LNX1: variants seen among roughly 807,000 people sequenced by gnomAD.
LNX1 encodes ligand of numb-protein X 1.
Under a neutral mutation model 68.4 loss-of-function variants are expected in LNX1, and 54 were observed. The observed-to-expected ratio is 0.79, with a 90% CI of 0.63 to 0.99. The LOEUF (loss-of-function observed/expected upper bound fraction) is 0.99. LNX1 is among the 50% of genes least tolerant of loss of function. The probability of loss-of-function intolerance (pLI) is 0.00; values close to 1 mark genes in which losing one functional copy is unlikely to be tolerated. For missense variants in LNX1, 906 were observed against 926.4 expected (o/e 0.98, Z 0.29); for synonymous variants, 336 against 350.0 (o/e 0.96, Z 0.45).
upstream of LNX1, among the ~76,000 whole-genome samples, chr4:53,618,220 G>C (rs1733748604): frequency 6.6e-6 from 1 of 152,068 alleles, no homozygotes; most frequent in African/African-American, 2.4e-5. Context: ...TTTATGATCA[G>C]CTTTCACTGA....
At position 53,462,957 on chromosome 4, in the gene LNX1, C is replaced by G. The variant is rs80134958; in HGVS notation, c.1893-1364G>C. On this transcript the variant is annotated intron_variant, in intron 9 of 10. Transcript: ENST00000263925. ...GACTCCTCATGTACAAAGCAGGTAA[C>G]TGGCTATTCTGTAAATACCAAAGCA... 2.6e-5 allele frequency among the ~76,000 whole-genome samples: 4 copies of G among 152,286 alleles called. No individual in the cohort carries two copies. In the East Asian group the frequency reaches 7.7e-4, roughly 29 times the overall value.
Position 53,543,800 on chromosome 4 carries a change from G to T in LNX1, c.380+29823C>A, listed in dbSNP as rs148840316. On this transcript the variant is annotated intron_variant, in intron 2 of 10. Transcript: ENST00000263925. ...CCCTGTCAACCATGCCAAGAAAGAA[G>T]AGAGCAGCTTATGTCCAAAGAAACT... is the stretch of plus-strand genomic sequence containing the variant. 9.1e-4 allele frequency among the ~76,000 whole-genome samples: 138 copies of T among 152,238 alleles called. 1 individual carries two copies. Among genetic ancestry groups the T allele is most frequent in the African/African-American group, 3.2e-3 (132 of 41,544 alleles).
intron 6 of LNX1, among the ~76,000 whole-genome samples, chr4:53,487,757 T>C (rs1724408286): frequency 1.3e-5 from 2 of 152,244 alleles, no homozygotes; most frequent in Admixed American, 1.3e-4. Flanking sequence ...GAGCTCGTCC[T>C]CTAGGGTTTC....
rs574866870 is a variant in LNX1 at position 53,643,954 on chromosome 4, C to T, written c.-215+8214G>A. Among the ~76,000 whole-genome samples, 16 of 152,286 alleles carry T rather than the reference C, an allele frequency of 1.1e-4. No individual in the cohort carries two copies. The South Asian group carries it at 3.3e-3, about 32-fold the overall frequency. ...CACCTTGCCAGCTGTGTTCTCTAGCCACTCAGCCACAGTTGGTGTACATTT... is the reference window on the plus strand; with the variant it reads ...CACCTTGCCAGCTGTGTTCTCTAGCTACTCAGCCACAGTTGGTGTACATTT... On this transcript the variant is annotated intron_variant, in intron 1 of 2. Transcript: ENST00000507168.
chr4:53,643,837 A>G (rs187014497), intron 1 of LNX1, among the ~76,000 whole-genome samples: 6 of 152,328 alleles, frequency 3.9e-5, no homozygotes, highest in Admixed American at 2.0e-4. Context: ...CAAACCATGT[A>G]AAAAGTTTGT....
chr4:53,515,237 C>T (rs76987071), intron 2 of LNX1, among the ~76,000 whole-genome samples: 39 of 152,322 alleles, frequency 2.6e-4, no homozygotes, highest in Non-Finnish European at 4.7e-4. Flanking sequence ...CCAGTCAAGA[C>T]ACATCAGCTC....
At chr4:53,570,664 TAATA>T (rs200529974) in intron 2 of LNX1, among the ~76,000 whole-genome samples, 2,639 of 143,716 alleles carry the variant, frequency 0.018, 56 homozygotes, top group African/African-American at 0.053. Flanking sequence ...TAAAGTATAA[TAATA>T]AATAAATAAA....
intron 2 of LNX1, among the ~76,000 whole-genome samples, chr4:53,527,911 C>A (rs1398847541): frequency 6.6e-6 from 1 of 152,182 alleles, no homozygotes; most frequent in Non-Finnish European, 1.5e-5. Context: ...CAAAATGCCA[C>A]CAGCAATTAG....
chr4:53,557,498 A>G (rs1255292898), intron 2 of LNX1, among the ~76,000 whole-genome samples: 2 of 152,020 alleles, frequency 1.3e-5, no homozygotes, highest in African/African-American at 4.8e-5. Flanking sequence ...CCTGCTTGCA[A>G]TTATAAATAC....
chr4:53,494,734 T>C (rs1248709908), intron 6 of LNX1, among the ~76,000 whole-genome samples: 2 of 152,218 alleles, frequency 1.3e-5, no homozygotes, highest in Non-Finnish European at 2.9e-5. Flanking sequence ...CAGGGGTACA[T>C]AAGCAGCAGA....
chr4:53,648,160 T>C (rs1167465554), intron 1 of LNX1, among the ~76,000 whole-genome samples: 1 of 152,142 alleles, frequency 6.6e-6, no homozygotes, highest in African/African-American at 2.4e-5. Flanking sequence ...CTATTTTTCA[T>C]TTTTTGGTGA....
At chr4:53,482,428 CA>C (rs552259410) in intron 6 of LNX1, among the ~76,000 whole-genome samples, 65 of 152,270 alleles carry the variant, frequency 4.3e-4, no homozygotes, top group South Asian at 2.3e-3. Context: ...ACCTTCAATT[CA>C]CAATCACAAA....
intron 1 of LNX1, among the ~76,000 whole-genome samples, chr4:53,588,512 T>C (rs1732309693): frequency 6.6e-6 from 1 of 152,186 alleles, no homozygotes. Context: ...ACCACTATTC[T>C]AAAGCAGTAG....
At chr4:53,600,650 A>G (rs17661998) in intron 2 of LNX1, among the ~76,000 whole-genome samples, 4,629 of 152,258 alleles carry the variant, frequency 0.03, 96 homozygotes, top group Middle Eastern at 0.068. Flanking sequence ...TTCTCAAATC[A>G]CGAGCATGTG....
chr4:53,626,039 C>T (rs1276320261), intron 1 of LNX1, among the ~76,000 whole-genome samples: 1 of 152,044 alleles, frequency 6.6e-6, no homozygotes, highest in African/African-American at 2.4e-5. Context: ...ATTCATGTAA[C>T]AGAATGTTAT....
chr4:53,497,157 T>G (rs1379248355), intron 5 of LNX1, among the ~76,000 whole-genome samples: 1 of 152,212 alleles, frequency 6.6e-6, no homozygotes, highest in African/African-American at 2.4e-5. Context: ...AGCTCGGCCC[T>G]CTCATTTGTG....
chr4:53,591,257 C>T lies in LNX1; in HGVS notation c.-87+131G>A, dbSNP rs932285862. 7.8e-5 allele frequency: 29 copies of T among 369,710 alleles called. 1 individual carries two copies. The highest frequency in any genetic ancestry group is 6.2e-4 in the African/African-American group (28 of 45,514). The allele number at this position is 369,710 out of a possible 1,614,324, so 22.9% of individuals were successfully genotyped here. ...TCTCTACTCTTCTGTCTCAAAAAAGCTTCTCCCTCTGGGGCAAACACTAGC... is the reference window on the plus strand; with the variant it reads ...TCTCTACTCTTCTGTCTCAAAAAAGTTTCTCCCTCTGGGGCAAACACTAGC... On this transcript the variant is annotated intron_variant, in intron 1 of 10. Coordinates refer to ENST00000263925, the MANE Select transcript of LNX1 (RefSeq NM_001126328.3).
chr4:53,462,559 A>C (rs1156678848), intron 9 of LNX1, among the ~76,000 whole-genome samples: 6 of 152,142 alleles, frequency 3.9e-5, no homozygotes, highest in South Asian at 2.1e-4. Context: ...GAAACCAATA[A>C]AAAGTCTTGT....
At chr4:53,506,856 T>TAAAAAAAAAAAAAAA (rs59260730) in intron 4 of LNX1, among the ~76,000 whole-genome samples, 1,498 of 53,754 alleles carry the variant, frequency 0.028, 125 homozygotes, top group Admixed American at 0.057. Context: ...AAACTCTGTC[T>TAAAAAAAAAAAAAAA]AAAAAAAAAA....
Sources: allele counts gnomAD v4.1 joint callset (sites outside exome capture counted in the v4.1 genomes callset), GRCh38; gene constraint gnomAD v4.1.1; transcripts MANE v1.5; gene names NCBI Gene and HGNC (gene_info 2026-07-23, HGNC 2026-07-21).